The following CYTH1 variants were observed in gnomAD, a reference collection of about 807,000 sequenced individuals.
The protein encoded by CYTH1 is cytohesin-1.
CYTH1 carries 18 observed loss-of-function variants against 61.8 expected under a neutral mutation model. The ratio of observed to expected loss-of-function variants is 0.29; its 90% CI spans 0.20 to 0.43. The LOEUF is 0.43. CYTH1 is among the 20% of genes least tolerant of loss of function. The probability of loss-of-function intolerance (pLI) is 1.00; values close to 1 mark genes in which losing one functional copy is unlikely to be tolerated. For missense variants in CYTH1, 336 were observed against 510.5 expected (o/e 0.66, Z 3.29); for synonymous variants, 174 against 184.3 (o/e 0.94, Z 0.45).
At chr17:78,707,595 C>T (rs116030784) in intron 3 of CYTH1, among the ~76,000 whole-genome samples, 1,838 of 152,004 alleles carry the variant, frequency 0.012, 39 homozygotes, top group African/African-American at 0.042. Context: ...AAATGCACAC[C>T]GACAGTGGAC....
intron 1 of CYTH1, among the ~76,000 whole-genome samples, chr17:78,772,129 G>A (rs953630275): frequency 6.6e-6 from 1 of 152,146 alleles, no homozygotes; most frequent in African/African-American, 2.4e-5. Flanking sequence ...GGAGCAAATG[G>A]ACAGGTTCAG....
intron 13 of CYTH1, chr17:78,677,273 T>A (rs1263932718): frequency 2.8e-6 from 1 of 363,008 alleles, no homozygotes; most frequent in Non-Finnish European, 5.4e-6. Context: ...AGGCCAACCC[T>A]TTCGGGTAAG....
rs1360798975 is a variant in CYTH1, at chr17:78,782,239, C to G, written c.-16G>C. The stretch of plus-strand genomic sequence containing the variant: ...CCTCCTCCATGGTGCGGGAGCCGGG[C>G]TCCGCGCTCCGGCTCGCCGCTCGCG... On this transcript the variant is annotated 5_prime_UTR_variant, in exon 1 of 14. Coordinates refer to ENST00000446868, the MANE Select transcript of CYTH1 (RefSeq NM_004762.6). The G allele has an allele frequency of 5.4e-6, 7 of 1,304,872 alleles. No homozygotes were observed. The South Asian group carries it at 1.2e-4, about 23-fold the overall frequency. 80.8% of individuals were successfully genotyped at this position (1,304,872 alleles called of 1,614,324 possible).
intron 1 of CYTH1, among the ~76,000 whole-genome samples, chr17:78,755,405 T>C (rs1039629771): frequency 3.3e-5 from 5 of 149,816 alleles, no homozygotes; most frequent in African/African-American, 1.2e-4. Flanking sequence ...AGTGCTGGGA[T>C]TACAGGCGTG....
rs1321460965 is a variant in CYTH1 at position 78,726,810 on chromosome 17, A to G, written c.23-17078T>C. 6.6e-5 allele frequency among the ~76,000 whole-genome samples: 10 copies of G among 152,280 alleles called. 1 individual carries two copies. Among genetic ancestry groups the G allele is most frequent in the Admixed American group, 6.5e-4 (10 of 15,300 alleles). The stretch of plus-strand genomic sequence containing the variant: ...GCGGCAGCCAGGCGCCATGAGAAAG[A>G]AAAGGGACTGGAAGCTTTGCGTAGT... On this transcript the variant is annotated intron_variant, in intron 1 of 13. Coordinates refer to ENST00000446868, the MANE Select transcript of CYTH1 (RefSeq NM_004762.6).
chr17:78,752,314 T>C (rs897534348), intron 1 of CYTH1, among the ~76,000 whole-genome samples: 46 of 152,336 alleles, frequency 3.0e-4, no homozygotes, highest in African/African-American at 1.1e-3. Flanking sequence ...AGCATTTTTA[T>C]AGAGATTTTC....
intron 3 of CYTH1, among the ~76,000 whole-genome samples, chr17:78,705,041 A>T (rs1358898414): frequency 6.6e-6 from 1 of 152,234 alleles, no homozygotes; most frequent in South Asian, 2.1e-4. Flanking sequence ...AAATCCAGGA[A>T]GATTACTTTG....
intron 2 of CYTH1, among the ~76,000 whole-genome samples, chr17:78,708,690 A>T (rs1047479425): frequency 6.6e-6 from 1 of 152,262 alleles, no homozygotes; most frequent in African/African-American, 2.4e-5. Context: ...TGCCAGGGCA[A>T]CAATGCCACC....
chr17:78,710,818 C>A (rs1598864978), intron 1 of CYTH1, among the ~76,000 whole-genome samples: 1 of 152,288 alleles, frequency 6.6e-6, no homozygotes, highest in East Asian at 1.9e-4. Context: ...CCCACACTCT[C>A]AAGGGTAGGG....
At chr17:78,755,106 T>C (rs2093395306) in intron 1 of CYTH1, among the ~76,000 whole-genome samples, 2 of 152,042 alleles carry the variant, frequency 1.3e-5, no homozygotes. Flanking sequence ...AGCCATACAG[T>C]GGAACATTAC....
At chr17:78,736,440 A>G (rs928693301) in intron 1 of CYTH1, among the ~76,000 whole-genome samples, 1 of 151,644 alleles carries the variant, frequency 6.6e-6, no homozygotes, top group Non-Finnish European at 1.5e-5. Flanking sequence ...TCACTCTCTG[A>G]CACACACACA....
intron 1 of CYTH1, among the ~76,000 whole-genome samples, chr17:78,763,244 G>GCCTGT: frequency 6.6e-6 from 1 of 151,684 alleles, no homozygotes; most frequent in African/African-American, 2.4e-5. Flanking sequence ...TTGGGAGGCT[G>GCCTGT]AGGCAGGAGA....
chr17:78,698,520 C>T, intron 8 of CYTH1, 140 bp from the exon 9 acceptor site: 2 of 723,104 alleles, frequency 2.8e-6, no homozygotes, highest in Non-Finnish European at 4.6e-6. Context: ...AAGATTATGA[C>T]CATTTCTGCT....
chr17:78,740,582 TACA>T (rs1369477418), intron 1 of CYTH1, among the ~76,000 whole-genome samples: 2 of 152,216 alleles, frequency 1.3e-5, no homozygotes, highest in Non-Finnish European at 2.9e-5. Context: ...TCATCTCTAG[TACA>T]ACAATTACCA....
chr17:78,705,041 A>G (rs1358898414), intron 3 of CYTH1, among the ~76,000 whole-genome samples: 1 of 152,234 alleles, frequency 6.6e-6, no homozygotes. Context: ...AAATCCAGGA[A>G]GATTACTTTG....
intron 1 of CYTH1, among the ~76,000 whole-genome samples, chr17:78,725,222 G>A (rs1396949107): frequency 6.6e-6 from 1 of 152,064 alleles, no homozygotes; most frequent in Non-Finnish European, 1.5e-5. Context: ...CCTCCTACAG[G>A]GAGAACTCAG....
chr17:78,747,889 T>C (rs1188308361), intron 1 of CYTH1, among the ~76,000 whole-genome samples: 1 of 152,250 alleles, frequency 6.6e-6, no homozygotes, highest in African/African-American at 2.4e-5. Flanking sequence ...TTTAAAACTA[T>C]ATCTATGTTC....
At chr17:78,733,417 C>A (rs146835950) in intron 1 of CYTH1, among the ~76,000 whole-genome samples, 71 of 152,336 alleles carry the variant, frequency 4.7e-4, no homozygotes, top group African/African-American at 1.7e-3. Context: ...ACCAATAGAG[C>A]CCAATTCACA....
chr17:78,743,567 C>CA (rs1379783640), intron 1 of CYTH1, among the ~76,000 whole-genome samples: 3 of 152,124 alleles, frequency 2.0e-5, no homozygotes, highest in Admixed American at 1.3e-4. Flanking sequence ...CTCCAAAATC[C>CA]AAAAAAATAC....
Sources: gnomAD v4.1 joint callset for allele counts (sites outside exome capture counted in the v4.1 genomes callset) on GRCh38, gnomAD v4.1.1 for gene constraint, MANE v1.5 for transcripts, NCBI Gene and HGNC (gene_info 2026-07-23, HGNC 2026-07-21) for gene names.